The following USP48 variants were observed in gnomAD, a reference collection of about 807,000 sequenced individuals.
USP48 encodes the protein ubiquitin specific peptidase 48, also known as ubiquitin carboxyl-terminal hydrolase 48.
In USP48, 43 loss-of-function variants were observed where a neutral mutation model predicts 150.7. The ratio of observed to expected loss-of-function variants is 0.29; its 90% CI spans 0.22 to 0.37. USP48 has a LOEUF of 0.37. Ranked by LOEUF, USP48 falls within the 10% of genes least tolerant of loss-of-function variation. The pLI is 1.00. For missense variants in USP48, 813 were observed against 1,249.6 expected, an observed-to-expected ratio of 0.65 and a Z score of 5.27; for synonymous variants, 396 against 425.9, an observed-to-expected ratio of 0.93 and a Z score of 0.86.
intron 8 of USP48, among the ~76,000 whole-genome samples, chr1:21,744,202 G>A (rs2097788625): frequency 6.6e-6 from 1 of 152,114 alleles, no homozygotes; most frequent in Non-Finnish European, 1.5e-5. Context: ...CCACCACTTT[G>A]GGAGGCCGAG....
chr1:21,704,498 C>A, intron 19 of USP48, 106 bp from the exon 20 acceptor site: 2 of 1,234,456 alleles, frequency 1.6e-6, no homozygotes, highest in Non-Finnish European at 1.1e-6. Context: ...AACATTTAAT[C>A]CAAAGGAATT....
chr1:21,705,709 T>A lies in USP48; in HGVS notation c.2384+18A>T, dbSNP rs763086438. 1 of 1,540,356 alleles carries A rather than the reference T, an allele frequency of 6.5e-7. No homozygotes were observed. On this transcript the variant is annotated intron_variant, in intron 19 of 26. Coordinates refer to ENST00000308271, the MANE Select transcript of USP48 (RefSeq NM_032236.8). ...GAGAAAAGAAGAAAAAAAAATCACA[T>A]GAAGAGAAGGAACTCACAGTTTAGA...
At chr1:21,771,231 G>A (rs1219976838) in intron 1 of USP48, among the ~76,000 whole-genome samples, 14 of 151,788 alleles carry the variant, frequency 9.2e-5, no homozygotes, top group South Asian at 4.1e-4. Context: ...AAAAGTAGCC[G>A]GGAGTGGTGG....
Position 21,779,163 on chromosome 1 carries a change from AG to A in USP48, c.134+3660del, listed in dbSNP as rs2097908200. On this transcript the variant is annotated intron_variant, in intron 1 of 26. Coordinates refer to ENST00000308271, the MANE Select transcript of USP48 (RefSeq NM_032236.8). ...TGAGGCGGGAGGATTGCTTGAGCCC[AG>A]GAGTTCAAGGCTGCAGTGAGCCATG... 4.6e-5 allele frequency among the ~76,000 whole-genome samples: 7 copies of A among 152,266 alleles called. No homozygotes were observed. The South Asian group carries it at 1.5e-3, about 32-fold the overall frequency.
At position 21,687,259 on chromosome 1, in the gene USP48, A is replaced by C. The variant is rs1398215611; in HGVS notation, c.3010-20T>G. The C allele has an allele frequency of 1.2e-6, 2 of 1,610,138 alleles. No homozygotes were observed. The highest frequency in any genetic ancestry group is 3.3e-5 in the Admixed American group (2 of 59,742). On this transcript the variant is annotated intron_variant, in intron 24 of 26. Transcript: ENST00000308271. The stretch of plus-strand genomic sequence containing the variant: ...ATCAGCCTAGAAAACAAATGAAGAC[A>C]ATTCAAAACCACAAGGGAGAGGGAG...
intron 22 of USP48, among the ~76,000 whole-genome samples, chr1:21,695,969 T>C (rs1181805841): frequency 6.6e-6 from 1 of 152,198 alleles, no homozygotes; most frequent in African/African-American, 2.4e-5. Flanking sequence ...TAAAATATTC[T>C]TGCAAAAATG....
intron 14 of USP48, among the ~76,000 whole-genome samples, chr1:21,720,238 A>ATAT (rs1336105634): frequency 1.3e-5 from 2 of 152,238 alleles, no homozygotes; most frequent in Non-Finnish European, 2.9e-5. Context: ...AGCATACAAT[A>ATAT]TATTATGCCA....
intron 25 of USP48, among the ~76,000 whole-genome samples, chr1:21,683,929 G>C (rs573955102): frequency 6.6e-6 from 1 of 152,178 alleles, no homozygotes; most frequent in Admixed American, 6.6e-5. Flanking sequence ...ATGTCCTCCA[G>C]TTCCACCCAT....
At position 21,679,247 on chromosome 1, in the gene USP48, G is replaced by T; in HGVS notation, c.*170C>A. On this transcript the variant is annotated 3_prime_UTR_variant, in exon 27 of 27. Coordinates refer to ENST00000308271, the MANE Select transcript of USP48 (RefSeq NM_032236.8). Reference sequence around the variant, plus strand: ...AGTCTGATGTCCATCAGTGCAATCTGCTTTATTTGACATAAGGCATTTGGG... The same window carrying T: ...AGTCTGATGTCCATCAGTGCAATCTTCTTTATTTGACATAAGGCATTTGGG... 1 of 619,008 alleles carries T rather than the reference G, an allele frequency of 1.6e-6. No homozygotes were observed. Among genetic ancestry groups the T allele is most frequent in the East Asian group, 4.4e-5 (1 of 22,822 alleles). 38.3% of individuals were successfully genotyped at this position (619,008 alleles called of 1,614,324 possible).
At chr1:21,715,500 G>T in intron 14 of USP48, 43 bp from the exon 15 acceptor site, 2 of 1,331,398 alleles carry the variant, frequency 1.5e-6, no homozygotes, top group Non-Finnish European at 2.1e-6. Context: ...TGGTTATTGT[G>T]TACTTAAAGT....
At chr1:21,744,818 TC>T (rs2097790678) in intron 8 of USP48, among the ~76,000 whole-genome samples, 1 of 136,260 alleles carries the variant, frequency 7.3e-6, no homozygotes, top group Non-Finnish European at 1.6e-5. Context: ...AGCTTTTAAG[TC>T]CCCAAGGAAT....
chr1:21,695,053 A>ATTCAG lies in USP48; in HGVS notation c.2883+12_2883+13insCTGAA, dbSNP rs759750801. ...TTAAGTCCAGAGCAAACTTGAACAA[A>ATTCAG]TGTTTCCCTCACCTGAATTTTCAAT... On this transcript the variant is annotated intron_variant, in intron 23 of 26. Coordinates refer to ENST00000308271, the MANE Select transcript of USP48 (RefSeq NM_032236.8). 1 of 1,606,146 alleles carries ATTCAG rather than the reference A, an allele frequency of 6.2e-7. No homozygotes were observed. The highest frequency in any genetic ancestry group is 8.5e-7 in the Non-Finnish European group (1 of 1,177,108).
intron 15 of USP48, among the ~76,000 whole-genome samples, chr1:21,707,212 T>C (rs333171): frequency 0.21 from 32,497 of 152,154 alleles, 4,466 homozygotes; most frequent in Non-Finnish European, 0.3. Context: ...CCAGGAGTCC[T>C]GGGACCTCTG....
chr1:21,713,339 ACT>A (rs2097695550), intron 15 of USP48, among the ~76,000 whole-genome samples: 1 of 151,622 alleles, frequency 6.6e-6, no homozygotes, highest in African/African-American at 2.4e-5. Flanking sequence ...AAACTCTTGG[ACT>A]CAAGTGATCC....
At chr1:21,694,441 C>T (rs1256524086) in intron 23 of USP48, among the ~76,000 whole-genome samples, 3 of 151,248 alleles carry the variant, frequency 2.0e-5, no homozygotes, top group Admixed American at 1.3e-4. Flanking sequence ...TGTGGTGGCA[C>T]GCACCTGTAA....
chr1:21,767,467 G>A (rs371091900), intron 1 of USP48, among the ~76,000 whole-genome samples: 8 of 152,174 alleles, frequency 5.3e-5, no homozygotes, highest in African/African-American at 1.7e-4. Context: ...TGGGACTCCA[G>A]GTGTGCGTCA....
At chr1:21,762,865 CAAAAAAA>C (rs34834573) in intron 1 of USP48, among the ~76,000 whole-genome samples, 3 of 76,348 alleles carry the variant, frequency 3.9e-5, no homozygotes, top group Non-Finnish European at 8.1e-5. Flanking sequence ...GACTTCATCT[CAAAAAAA>C]AAAAAAAAAA....
chr1:21,757,036 T>C (rs2097838036), intron 2 of USP48: 1 of 969,798 alleles, frequency 1.0e-6, no homozygotes, highest in Non-Finnish European at 1.2e-6. Context: ...GTTTTCTGTA[T>C]TTCTAAACTG....
At chr1:21,756,474 C>CAAAAAA (rs35545280) in intron 3 of USP48, 72 bp downstream of exon 3, 8 of 1,176,016 alleles carry the variant, frequency 6.8e-6, no homozygotes, top group East Asian at 3.3e-5. Context: ...GAGGAAGACT[C>CAAAAAA]AAAAAAAAAA....
Sources: gnomAD v4.1 joint callset for allele counts (sites outside exome capture counted in the v4.1 genomes callset) on GRCh38, gnomAD v4.1.1 for gene constraint, MANE v1.5 for transcripts, NCBI Gene and HGNC (gene_info 2026-07-23, HGNC 2026-07-21) for gene names.